Variants in BMP6 observed in about 807,000 individuals in gnomAD.
BMP6 encodes bone morphogenetic protein 6.
BMP6 carries 17 observed loss-of-function variants against 54.1 expected under a neutral mutation model. The observed-to-expected ratio is 0.31, with a 90% confidence interval of 0.22 to 0.47. BMP6 has a LOEUF of 0.47. BMP6 is among the 20% of genes least tolerant of loss of function. The pLI is 1.00. For synonymous variants in BMP6, 328 were observed against 291.2 expected, an observed-to-expected ratio of 1.13 and a Z score of -1.28; for missense variants, 720 against 690.4, an observed-to-expected ratio of 1.04 and a Z score of -0.48.
chr6:7,813,125 ATATATATATATATATATATAT>A (rs1758463410), intron 1 of BMP6, among the ~76,000 whole-genome samples: 2 of 83,482 alleles, frequency 2.4e-5, no homozygotes, highest in African/African-American at 1.2e-4. Context: ...ATATATATAT[ATATATATATATATATATATAT>A]ATAAAATTAG....
intron 1 of BMP6, among the ~76,000 whole-genome samples, chr6:7,729,337 G>A (rs1303399542): frequency 1.9e-5 from 1 of 51,620 alleles, no homozygotes; most frequent in Admixed American, 1.8e-4. Context: ...CCCCCACCCC[G>A]CCTCCAGGTT....
At chr6:7,789,778 C>G (rs893113214) in intron 1 of BMP6, among the ~76,000 whole-genome samples, 3 of 152,148 alleles carry the variant, frequency 2.0e-5, no homozygotes, top group Admixed American at 6.5e-5. Context: ...ATGAATGACC[C>G]TCCTATCCTT....
At chr6:7,815,210 A>G (rs75339962) in intron 1 of BMP6, among the ~76,000 whole-genome samples, 2,051 of 152,284 alleles carry the variant, frequency 0.013, 48 homozygotes, top group African/African-American at 0.046. Flanking sequence ...ACCTCCTAGA[A>G]GCTGAGGACT....
chr6:7,742,720 C>T (rs919085556), intron 1 of BMP6, among the ~76,000 whole-genome samples: 3 of 152,100 alleles, frequency 2.0e-5, no homozygotes, highest in African/African-American at 7.2e-5. Flanking sequence ...GTGGCCAATC[C>T]GGAGAGCCTG....
intron 1 of BMP6, among the ~76,000 whole-genome samples, chr6:7,788,352 C>G (rs1758047620): frequency 6.6e-6 from 1 of 152,108 alleles, no homozygotes; most frequent in Non-Finnish European, 1.5e-5. Flanking sequence ...TTCAGTCTTT[C>G]CAGCCAAACT....
intron 1 of BMP6, among the ~76,000 whole-genome samples, chr6:7,793,890 T>G (rs879344734): frequency 2.6e-5 from 4 of 152,204 alleles, no homozygotes; most frequent in Admixed American, 1.3e-4. Flanking sequence ...TGATGCCTGC[T>G]GATGTGTCTG....
At chr6:7,862,551 A>G (rs1759352473) in intron 4 of BMP6, 53 bp downstream of exon 4, 1 of 1,602,666 alleles carries the variant, frequency 6.2e-7, no homozygotes, top group Admixed American at 1.7e-5. Context: ...CCTCAGTGAG[A>G]ACAAAAGTTG....
chr6:7,739,180 C>T (rs572193807), intron 1 of BMP6, among the ~76,000 whole-genome samples: 1 of 152,178 alleles, frequency 6.6e-6, no homozygotes, highest in East Asian at 1.9e-4. Context: ...GTTGTGGTGA[C>T]CCTGTCAGCA....
At chr6:7,795,786 T>C (rs1758182312) in intron 1 of BMP6, among the ~76,000 whole-genome samples, 1 of 151,920 alleles carries the variant, frequency 6.6e-6, no homozygotes, top group Non-Finnish European at 1.5e-5. Context: ...TGGGACTTAG[T>C]GCTGATTGGA....
intron 1 of BMP6, among the ~76,000 whole-genome samples, chr6:7,779,108 G>T (rs1192622017): frequency 6.6e-6 from 1 of 152,188 alleles, no homozygotes; most frequent in African/African-American, 2.4e-5. Context: ...GATCCTGAGG[G>T]TCTCCCCAAG....
intron 2 of BMP6, 28 bp downstream of exon 2, chr6:7,845,360 G>A (rs374481885): frequency 6.3e-5 from 100 of 1,588,508 alleles, no homozygotes; most frequent in Non-Finnish European, 8.6e-5. Context: ...AGCCCCAAAG[G>A]TGGGGCTGGC....
At position 7,734,968 on chromosome 6, in the gene BMP6, C is replaced by A. The variant is rs188979896; in HGVS notation, c.664+7349C>A. Among the ~76,000 whole-genome samples, 479 of 152,352 alleles carry A rather than the reference C, an allele frequency of 3.1e-3. 1 individual carries two copies. The highest frequency in any genetic ancestry group is 4.3e-3 in the Non-Finnish European group (291 of 68,034). ...CTTGATGACTGATCCTCCTGCTGGC[C>A]AGGTCAGGATTGTCCTAGGCCTAAA... is the stretch of plus-strand genomic sequence containing the variant. On this transcript the variant is annotated intron_variant, in intron 1 of 6. Coordinates refer to ENST00000283147, the MANE Select transcript of BMP6 (RefSeq NM_001718.6).
chr6:7,862,596 C>T, intron 4 of BMP6, 98 bp downstream of exon 4: 1 of 1,467,266 alleles, frequency 6.8e-7, no homozygotes, highest in South Asian at 1.2e-5. Context: ...AGCTTCTGCA[C>T]AGCAAATCCA....
In BMP6 at chr6:7,830,723, A is replaced by T. The variant is rs569867464; in HGVS notation, c.665-14417A>T. ...AGGTACACCTTATATGGCGGCAATC[A>T]AGAAAGAGCATGTGCAGGGGAAATG... On this transcript the variant is annotated intron_variant, in intron 1 of 6. Transcript: ENST00000283147. 4.6e-5 allele frequency among the ~76,000 whole-genome samples: 7 copies of T among 152,364 alleles called. No homozygotes were observed. In the East Asian group the frequency reaches 1.3e-3, roughly 29 times the overall value.
rs1229682716 is a variant in BMP6 at position 7,861,586 on chromosome 6, G to T, written c.993G>T (p.Val331=). The T allele has an allele frequency of 6.2e-7, 1 of 1,614,116 alleles. No homozygotes were observed. Among genetic ancestry groups the T allele is most frequent in the Admixed American group, 1.7e-5 (1 of 60,004 alleles). ...PQHNMGLQLS[V]VTRDGVHVHP... ...ATAACATGGGGCTTCAGCTGAGCGT[G>T]GTGACAAGGGATGGTAAGTTATTAT... is the stretch of plus-strand genomic sequence containing the variant. The change falls in exon 3 of 7, where the codon GTG becomes GTT. Residue 331 remains valine (V), a synonymous_variant. Transcript: ENST00000283147.
At chr6:7,813,108 A>AAAAAAATATATATAT (rs1554122651) in intron 1 of BMP6, among the ~76,000 whole-genome samples, 2 of 21,484 alleles carry the variant, frequency 9.3e-5, no homozygotes, top group African/African-American at 2.0e-4. Context: ...AAAAAAAAAA[A>AAAAAAATATATATAT]ATATATATAT....
At chr6:7,790,050 T>A (rs1758072277) in intron 1 of BMP6, among the ~76,000 whole-genome samples, 1 of 152,186 alleles carries the variant, frequency 6.6e-6, no homozygotes, top group South Asian at 2.1e-4. Context: ...GGGTTGCCAG[T>A]GCTGCTTGGC....
At chr6:7,745,018 A>T (rs918807926) in intron 1 of BMP6, among the ~76,000 whole-genome samples, 9 of 152,204 alleles carry the variant, frequency 5.9e-5, no homozygotes, top group Non-Finnish European at 1.3e-4. Context: ...GTTATTTTTT[A>T]AAAATCATTT....
intron 1 of BMP6, among the ~76,000 whole-genome samples, chr6:7,763,965 C>T (rs147542705): frequency 3.9e-4 from 60 of 152,240 alleles, no homozygotes; most frequent in African/African-American, 1.4e-3. Flanking sequence ...ATGTGTCCTG[C>T]GTTCATTTCT....
Sources: allele counts gnomAD v4.1 joint callset (sites outside exome capture counted in the v4.1 genomes callset), GRCh38; gene constraint gnomAD v4.1.1; transcripts MANE v1.5; gene names NCBI Gene and HGNC (gene_info 2026-07-23, HGNC 2026-07-21).